The following PRDM16 variants were observed in gnomAD, a reference collection of about 807,000 sequenced individuals.
PRDM16 encodes the protein histone-lysine N-methyltransferase PRDM16.
A neutral mutation model predicts 110.6 loss-of-function variants in PRDM16; 23 were observed. That is an observed-to-expected ratio of 0.21 (90% CI 0.15 to 0.29). The LOEUF (loss-of-function observed/expected upper bound fraction) is 0.29. Among genes scored for constraint, PRDM16 ranks in the 10% least tolerant of loss-of-function variants. PRDM16 has a pLI of 1.00. For missense variants in PRDM16, 1,615 were observed against 1,794.3 expected, an observed-to-expected ratio of 0.90 and a Z score of 1.81; for synonymous variants, 799 against 781.8, an observed-to-expected ratio of 1.02 and a Z score of -0.37.
intron 3 of PRDM16, among the ~76,000 whole-genome samples, chr1:3,273,692 G>A (rs1640513915): frequency 1.3e-5 from 2 of 151,668 alleles, no homozygotes; most frequent in South Asian, 2.1e-4. Context: ...TGTGCATGTG[G>A]CAGGTGTGTG....
chr1:3,316,733 G>T (rs1641613643), intron 3 of PRDM16, among the ~76,000 whole-genome samples: 1 of 151,470 alleles, frequency 6.6e-6, no homozygotes, highest in Non-Finnish European at 1.5e-5. Context: ...CAGTGACACG[G>T]TGTAGGCAGG....
At chr1:3,355,008 T>G (rs1026986808) in intron 3 of PRDM16, among the ~76,000 whole-genome samples, 2 of 151,488 alleles carry the variant, frequency 1.3e-5, no homozygotes, top group Non-Finnish European at 2.9e-5. Context: ...ACCTGTAGAG[T>G]GCTCTGTGGC....
At chr1:3,154,458 G>A (rs1643829009) in intron 1 of PRDM16, among the ~76,000 whole-genome samples, 1 of 152,152 alleles carries the variant, frequency 6.6e-6, no homozygotes, top group African/African-American at 2.4e-5. Flanking sequence ...GACGGCCAAG[G>A]GCTTCCCAGG....
At chr1:3,406,773 G>A (rs1001204264) in intron 8 of PRDM16, among the ~76,000 whole-genome samples, 6 of 152,122 alleles carry the variant, frequency 3.9e-5, no homozygotes, top group Admixed American at 3.3e-4. Context: ...AAAGGTAAGA[G>A]GTCACCAGGG....
chr1:3,112,526 G>GC (rs1156359195), intron 1 of PRDM16, among the ~76,000 whole-genome samples: 1 of 152,252 alleles, frequency 6.6e-6, no homozygotes, highest in Non-Finnish European at 1.5e-5. Flanking sequence ...TCGCCCCAGG[G>GC]CCCCGCTCAG....
intron 8 of PRDM16, among the ~76,000 whole-genome samples, chr1:3,408,842 G>A (rs1484741738): frequency 2.5e-5 from 3 of 120,502 alleles, no homozygotes; most frequent in Non-Finnish European, 5.1e-5. Context: ...GTGTGTTGGA[G>A]GATGTGAGAG....
chr1:3,265,766 A>G lies in PRDM16; in HGVS notation c.438+21629A>G, dbSNP rs149996830. On this transcript the variant is annotated intron_variant, in intron 3 of 16. Transcript: ENST00000270722. The surrounding 1 kb of genome is among the most constrained non-coding windows in gnomAD (Gnocchi z 4.5). ...AGCCCCAGCCAGACAGGCATTATCC[A>G]GCTGGCACCTCACGCTCTGTCCTCA... is the stretch of plus-strand genomic sequence containing the variant. Among the ~76,000 whole-genome samples the G allele has an allele frequency of 2.1e-4, 32 of 152,270 alleles. No individual in the cohort carries two copies. In the East Asian group the frequency reaches 5.8e-3, roughly 28 times the overall value.
chr1:3,327,234 C>G (rs1454137887), intron 3 of PRDM16, among the ~76,000 whole-genome samples: 2 of 152,242 alleles, frequency 1.3e-5, no homozygotes, highest in Non-Finnish European at 2.9e-5. Context: ...CAAAATAGCC[C>G]AAATCCAGGT....
intron 1 of PRDM16, among the ~76,000 whole-genome samples, chr1:3,113,423 G>A (rs946865108): frequency 6.9e-6 from 1 of 144,804 alleles, no homozygotes; most frequent in Non-Finnish European, 1.5e-5. Context: ...GCGTGGGGAT[G>A]CCCAGGACCT....
chr1:3,071,048 G>T (rs938836361), intron 1 of PRDM16, among the ~76,000 whole-genome samples: 1 of 152,272 alleles, frequency 6.6e-6, no homozygotes, highest in African/African-American at 2.4e-5. Context: ...TTCGGGTTCG[G>T]TTCTGTGTGT....
intron 2 of PRDM16, among the ~76,000 whole-genome samples, chr1:3,231,393 G>C (rs548210461): frequency 6.6e-6 from 1 of 150,506 alleles, no homozygotes; most frequent in Non-Finnish European, 1.5e-5. Context: ...CATGGACAGC[G>C]GTCAAGGCCG....
At chr1:3,181,306 A>G (rs1236813887) in intron 1 of PRDM16, among the ~76,000 whole-genome samples, 61 of 126,738 alleles carry the variant, frequency 4.8e-4, no homozygotes, top group African/African-American at 1.4e-3. Flanking sequence ...AGTCTTACAC[A>G]CGGTCTTACA....
rs148645359 is a variant in PRDM16, at chr1:3,178,792, G to A, written c.38-7333G>A. Reference sequence around the variant, plus strand: ...CCGATTGCCTGCACACACCAGCCCCGCCCCAGGTCAGTGGGCCTGGGTGGA... The same window carrying A: ...CCGATTGCCTGCACACACCAGCCCCACCCCAGGTCAGTGGGCCTGGGTGGA... On this transcript the variant is annotated intron_variant, in intron 1 of 16. Coordinates refer to ENST00000270722, the MANE Select transcript of PRDM16 (RefSeq NM_022114.4). Among the ~76,000 whole-genome samples the A allele has an allele frequency of 9.6e-4, 146 of 152,198 alleles. 1 individual carries two copies. Among genetic ancestry groups the A allele is most frequent in the African/African-American group, 3.3e-3 (139 of 41,532 alleles).
chr1:3,176,513 T>C (rs1644091971), intron 1 of PRDM16, among the ~76,000 whole-genome samples: 1 of 151,030 alleles, frequency 6.6e-6, no homozygotes, highest in African/African-American at 2.4e-5. Flanking sequence ...CACCCATTGA[T>C]TCACCCACCC....
intron 1 of PRDM16, among the ~76,000 whole-genome samples, chr1:3,139,901 C>T (rs534513151): frequency 1.4e-4 from 21 of 152,344 alleles, no homozygotes; most frequent in South Asian, 6.2e-4. Flanking sequence ...GTCCCCTCGC[C>T]GGGCTCTGGC....
Position 3,265,749 on chromosome 1 carries a change from C to T in PRDM16, c.438+21612C>T, listed in dbSNP as rs932306219. ...ATCAGGAGGTCACAGTTAGCCCCAG[C>T]CAGACAGGCATTATCCAGCTGGCAC... is the stretch of plus-strand genomic sequence containing the variant. On this transcript the variant is annotated intron_variant, in intron 3 of 16. Coordinates refer to ENST00000270722, the MANE Select transcript of PRDM16 (RefSeq NM_022114.4). The surrounding 1 kb of genome is among the most constrained non-coding windows in gnomAD (Gnocchi z 4.5). 6.6e-6 allele frequency among the ~76,000 whole-genome samples: 1 copy of T among 152,146 alleles called. No individual in the cohort carries two copies. The highest frequency in any genetic ancestry group is 2.4e-5 in the African/African-American group (1 of 41,430).
In PRDM16 at chr1:3,348,397, T is replaced by C. The variant is rs115046943; in HGVS notation, c.439-36755T>C. 5.6e-3 allele frequency among the ~76,000 whole-genome samples: 842 copies of C among 151,428 alleles called. 7 individuals carry two copies. The highest frequency in any genetic ancestry group is 0.019 in the African/African-American group (788 of 41,210). ...GCTAGGGCCCAGGAGAAGCAGAGAGTGGAGAGAGGCCAGCGGTGGGGGCAG... is the reference window on the plus strand; with the variant it reads ...GCTAGGGCCCAGGAGAAGCAGAGAGCGGAGAGAGGCCAGCGGTGGGGGCAG... On this transcript the variant is annotated intron_variant, in intron 3 of 16. Transcript: ENST00000270722.
At chr1:3,381,467 A>G (rs1436933131) in intron 3 of PRDM16, among the ~76,000 whole-genome samples, 4 of 150,198 alleles carry the variant, frequency 2.7e-5, no homozygotes, top group African/African-American at 4.9e-5. Context: ...CAGTGGCGCA[A>G]TCTCGGCTCA....
intron 1 of PRDM16, among the ~76,000 whole-genome samples, chr1:3,115,441 T>C (rs568784938): frequency 2.0e-5 from 3 of 152,250 alleles, no homozygotes; most frequent in African/African-American, 7.2e-5. Flanking sequence ...TTGTGTCAGC[T>C]TGAGAGAGAT....
Sources: gnomAD v4.1 joint callset for allele counts (sites outside exome capture counted in the v4.1 genomes callset) on GRCh38, gnomAD v4.1.1 for gene constraint, Gnocchi (gnomAD v3.1) non-coding constraint, MANE v1.5 for transcripts, NCBI Gene and HGNC (gene_info 2026-07-23, HGNC 2026-07-21) for gene names.